NRXN3: variants seen among roughly 807,000 people sequenced by gnomAD.
The protein encoded by NRXN3 is neurexin III.
NRXN3 carries 32 observed loss-of-function variants against 137.6 expected under a neutral mutation model. That is an observed-to-expected ratio of 0.23 (90% CI 0.18 to 0.31). The LOEUF (loss-of-function observed/expected upper bound fraction) is 0.31. NRXN3 is among the 10% of genes least tolerant of loss of function. The pLI, the probability that NRXN3 is intolerant of heterozygous loss-of-function variation, is 1.00. For synonymous variants in NRXN3, 798 were observed against 784.5 expected (o/e 1.02, Z -0.29); for missense variants, 1,574 against 2,062.5 (o/e 0.76, Z 4.59).
chr14:79,501,430 C>T (rs1011328392), intron 16 of NRXN3, among the ~76,000 whole-genome samples: 1 of 152,240 alleles, frequency 6.6e-6, no homozygotes, highest in Admixed American at 6.5e-5. Flanking sequence ...TAAGCTGTCA[C>T]CAACCTGACC....
chr14:78,324,560 G>T (rs948906035), intron 4 of NRXN3, among the ~76,000 whole-genome samples: 1 of 152,064 alleles, frequency 6.6e-6, no homozygotes, highest in African/African-American at 2.4e-5. Context: ...AAGAGATTAC[G>T]CAATGTGGGA....
intron 6 of NRXN3, among the ~76,000 whole-genome samples, chr14:78,706,388 G>C (rs2098349750): frequency 6.6e-6 from 1 of 152,212 alleles, no homozygotes. Context: ...GGTCAGCCCA[G>C]TTTAGCTAAA....
chr14:79,730,901 A>G (rs1056645875), intron 19 of NRXN3, among the ~76,000 whole-genome samples: 5 of 152,200 alleles, frequency 3.3e-5, no homozygotes, highest in Admixed American at 3.3e-4. Flanking sequence ...CCTGTAAAGG[A>G]AAGCCAGTTT....
chr14:79,136,304 A>G (rs1390994120), intron 15 of NRXN3, among the ~76,000 whole-genome samples: 1 of 152,198 alleles, frequency 6.6e-6, no homozygotes, highest in Middle Eastern at 3.2e-3. Flanking sequence ...TTTTTCAACC[A>G]AACAGGACTA....
intron 3 of NRXN3, among the ~76,000 whole-genome samples, chr14:78,285,170 T>A (rs181484457): frequency 1.1e-4 from 17 of 152,324 alleles, no homozygotes; most frequent in Admixed American, 5.2e-4. Context: ...CTGACTGAGA[T>A]ACCTTGGGGA....
chr14:79,326,557 C>T (rs915889901), intron 15 of NRXN3, among the ~76,000 whole-genome samples: 2 of 152,130 alleles, frequency 1.3e-5, no homozygotes, highest in Admixed American at 1.3e-4. Context: ...AACAGAAACC[C>T]TATATTTTCT....
At chr14:79,409,313 A>G (rs1368872333) in intron 15 of NRXN3, among the ~76,000 whole-genome samples, 1 of 151,528 alleles carries the variant, frequency 6.6e-6, no homozygotes, top group Non-Finnish European at 1.5e-5. Flanking sequence ...ACAGATATAC[A>G]TGTGTGTATA....
intron 9 of NRXN3, 73 bp downstream of exon 9, chr14:78,803,896 G>C (rs879643878): frequency 1.2e-4 from 174 of 1,397,108 alleles, no homozygotes; most frequent in Non-Finnish European, 1.5e-4. Flanking sequence ...TCATTGGTTT[G>C]ATTGAATTCT....
At chr14:79,451,489 A>G (rs1388080230) in intron 15 of NRXN3, among the ~76,000 whole-genome samples, 1 of 152,186 alleles carries the variant, frequency 6.6e-6, no homozygotes. Flanking sequence ...AGGAGATCCA[A>G]TTAAATAGAT....
chr14:78,813,090 G>A (rs10144675), intron 10 of NRXN3, among the ~76,000 whole-genome samples: 148,536 of 152,306 alleles, frequency 0.98, 72,541 homozygotes, highest in East Asian at 1. Flanking sequence ...TTGAAACCAA[G>A]TTGATATATT....
At chr14:78,480,154 A>G (rs1052507176) in intron 4 of NRXN3, among the ~76,000 whole-genome samples, 7 of 152,110 alleles carry the variant, frequency 4.6e-5, no homozygotes, top group African/African-American at 1.7e-4. Context: ...CAAACAAACA[A>G]AAAACCCAAA....
At chr14:78,673,100 G>A (rs1249613931) in intron 6 of NRXN3, among the ~76,000 whole-genome samples, 3 of 152,288 alleles carry the variant, frequency 2.0e-5, no homozygotes, top group East Asian at 1.9e-4. Context: ...GTAGAATGCC[G>A]ATTATCCTTA....
chr14:78,550,030 C>CTTTTTTT (rs3032366), intron 4 of NRXN3, among the ~76,000 whole-genome samples: 3 of 117,100 alleles, frequency 2.6e-5, no homozygotes, highest in African/African-American at 9.8e-5. Context: ...ATTCTGCAAA[C>CTTTTTTT]TTTTTTTTTT....
At chr14:78,457,787 T>A (rs1567648527) in intron 4 of NRXN3, among the ~76,000 whole-genome samples, 1 of 152,172 alleles carries the variant, frequency 6.6e-6, no homozygotes, top group Non-Finnish European at 1.5e-5. Flanking sequence ...GGGTACATAA[T>A]GAGAGAAGAT....
chr14:78,311,496 C>T lies in NRXN3; in HGVS notation c.757+13636C>T, dbSNP rs1046109741. Among the ~76,000 whole-genome samples the T allele has an allele frequency of 4.6e-5, 7 of 152,302 alleles. No individual in the cohort carries two copies. In the East Asian group the frequency reaches 1.2e-3, roughly 25 times the overall value. ...GGATGGCTTTGAATGCAATCCAACA[C>T]AAATTCTTAAACTTTCTTAAAACAT... On this transcript the variant is annotated intron_variant, in intron 4 of 20. Transcript: ENST00000335750.
chr14:78,634,819 T>G (rs1265308952), intron 4 of NRXN3, among the ~76,000 whole-genome samples: 2 of 152,166 alleles, frequency 1.3e-5, no homozygotes, highest in Non-Finnish European at 2.9e-5. Context: ...TAATTAGTGA[T>G]CACTATATAG....
chr14:79,539,532 C>G (rs1239423654), intron 16 of NRXN3, among the ~76,000 whole-genome samples: 1 of 152,058 alleles, frequency 6.6e-6, no homozygotes, highest in Non-Finnish European at 1.5e-5. Context: ...TAATCTAGGC[C>G]CTATTTATTT....
intron 4 of NRXN3, among the ~76,000 whole-genome samples, chr14:78,514,236 A>G (rs1024808488): frequency 3.9e-5 from 6 of 152,150 alleles, no homozygotes; most frequent in Non-Finnish European, 8.8e-5. Flanking sequence ...TATAACATTA[A>G]CTAATATTTG....
rs17107887 is a variant in NRXN3, at chr14:78,593,047, C to T, written c.758-52073C>T. 4.8e-3 allele frequency among the ~76,000 whole-genome samples: 727 copies of T among 152,314 alleles called. 18 individuals are homozygous for T. The East Asian group carries it at 0.091, about 19-fold the overall frequency. ...GGGAGCCTTGAATCATCTGATTTTGCTCCTCATTAGTATTTCTCCACTGTG... is the reference window on the plus strand; with the variant it reads ...GGGAGCCTTGAATCATCTGATTTTGTTCCTCATTAGTATTTCTCCACTGTG... On this transcript the variant is annotated intron_variant, in intron 4 of 20. Coordinates refer to ENST00000335750, the MANE Select transcript of NRXN3 (RefSeq NM_001330195.2).
Sources: gnomAD v4.1 joint callset for allele counts (sites outside exome capture counted in the v4.1 genomes callset) on GRCh38, gnomAD v4.1.1 for gene constraint, MANE v1.5 for transcripts, NCBI Gene and HGNC (gene_info 2026-07-23, HGNC 2026-07-21) for gene names.